Variants in CHN2 observed in about 807,000 individuals in gnomAD.
CHN2 encodes chimerin 2, also known as beta-chimaerin.
In CHN2, 35 loss-of-function variants were observed where a neutral mutation model predicts 56.3. The ratio of observed to expected loss-of-function variants is 0.62; its 90% CI spans 0.47 to 0.82. CHN2 has a LOEUF of 0.82. Among genes scored for constraint, CHN2 ranks in the 40% least tolerant of loss-of-function variants. CHN2 has a pLI of 0.00. For synonymous variants in CHN2, 210 were observed against 212.8 expected, an observed-to-expected ratio of 0.99 and a Z score of 0.12; for missense variants, 491 against 580.5, an observed-to-expected ratio of 0.85 and a Z score of 1.58.
intron 6 of CHN2, among the ~76,000 whole-genome samples, chr7:29,469,069 A>G (rs532710029): frequency 4.1e-4 from 62 of 152,154 alleles, no homozygotes; most frequent in African/African-American, 1.4e-3. Flanking sequence ...AGTCTTCTTC[A>G]TCTCATTTAA....
At chr7:29,463,795 A>G (rs1785354778) in intron 6 of CHN2, among the ~76,000 whole-genome samples, 2 of 152,154 alleles carry the variant, frequency 1.3e-5, no homozygotes, top group Non-Finnish European at 2.9e-5. Context: ...GCCCACAAGA[A>G]CTAGAGATGT....
upstream of CHN2, chr7:29,193,248 T>A (rs938315882): frequency 6.6e-6 from 1 of 151,984 alleles, no homozygotes; most frequent in Non-Finnish European, 1.5e-5. Context: ...TGGGATAGTA[T>A]CCTGGAGGGA....
At chr7:29,434,409 G>A (rs1783074599) in intron 6 of CHN2, among the ~76,000 whole-genome samples, 1 of 151,522 alleles carries the variant, frequency 6.6e-6, no homozygotes. Context: ...TTCTGGAGGT[G>A]GTAAGTCAGA....
At chr7:29,252,578 G>GTTGTTTTTTTTTTTTTT (rs1788664962) in intron 1 of CHN2, among the ~76,000 whole-genome samples, 1 of 19,488 alleles carries the variant, frequency 5.1e-5, no homozygotes, top group Non-Finnish European at 8.2e-5. Context: ...TGCATTCTTT[G>GTTGTTTTTTTTTTTTTT]TTTTTTTTTT....
chr7:29,364,000 C>T (rs1181040417), intron 2 of CHN2, among the ~76,000 whole-genome samples: 2 of 152,066 alleles, frequency 1.3e-5, no homozygotes, highest in African/African-American at 2.4e-5. Context: ...AGTGAGACCC[C>T]CATCTCTTAA....
chr7:29,236,676 A>T (rs76120294), intron 1 of CHN2, among the ~76,000 whole-genome samples: 2 of 152,276 alleles, frequency 1.3e-5, no homozygotes, highest in Admixed American at 6.5e-5. Context: ...AATAGCTAAC[A>T]TAATACAAAG....
At chr7:29,453,549 C>G (rs530921231) in intron 6 of CHN2, among the ~76,000 whole-genome samples, 3 of 152,244 alleles carry the variant, frequency 2.0e-5, no homozygotes, top group Admixed American at 6.5e-5. Flanking sequence ...GACGCCCCCC[C>G]ACGCCATAGC....
intron 3 of CHN2, among the ~76,000 whole-genome samples, chr7:29,369,491 T>C (rs1342456857): frequency 6.6e-6 from 1 of 152,214 alleles, no homozygotes; most frequent in Non-Finnish European, 1.5e-5. Context: ...AACTTGGCTA[T>C]TGGCATTTTG....
chr7:29,267,391 T>C (rs996010486), intron 1 of CHN2, among the ~76,000 whole-genome samples: 2 of 152,012 alleles, frequency 1.3e-5, no homozygotes, highest in African/African-American at 4.8e-5. Context: ...TACAGTTGCC[T>C]GCCACCACAC....
intron 1 of CHN2, among the ~76,000 whole-genome samples, chr7:29,318,309 A>G (rs962896464): frequency 2.0e-5 from 3 of 152,214 alleles, no homozygotes; most frequent in Non-Finnish European, 4.4e-5. Context: ...ATTGGCCTAC[A>G]TATTGTCTCT....
chr7:29,195,045 T>C (rs1220627065), intron 1 of CHN2, 55 bp downstream of exon 1: 2 of 1,544,706 alleles, frequency 1.3e-6, no homozygotes, highest in Admixed American at 1.8e-5. Context: ...CCCACTGCCC[T>C]CGCCCCGCAG....
intron 1 of CHN2, among the ~76,000 whole-genome samples, chr7:29,344,412 CTACT>C (rs1386828624): frequency 1.3e-5 from 2 of 152,146 alleles, no homozygotes; most frequent in Non-Finnish European, 2.9e-5. Flanking sequence ...TATCTGGCCC[CTACT>C]TACTTCTTTA....
At chr7:29,423,595 G>A (rs1430865098) in intron 6 of CHN2, among the ~76,000 whole-genome samples, 1 of 152,224 alleles carries the variant, frequency 6.6e-6, no homozygotes, top group Non-Finnish European at 1.5e-5. Flanking sequence ...CAGGAAGGAC[G>A]AAATCTCAGG....
chr7:29,182,089 T>C (rs1798132239), intron 2 of CHN2, among the ~76,000 whole-genome samples: 1 of 152,194 alleles, frequency 6.6e-6, no homozygotes, highest in African/African-American at 2.4e-5. Context: ...AAAAAGACAA[T>C]ATTCCTTTTG....
At chr7:29,473,482 T>TTTTTTTTTTTTGTG (rs539151442) in intron 6 of CHN2, among the ~76,000 whole-genome samples, 1 of 118,164 alleles carries the variant, frequency 8.5e-6, no homozygotes, top group African/African-American at 3.3e-5. Flanking sequence ...TTTTTTTTTT[T>TTTTTTTTTTTTGTG]TGTGTGTGTG....
intron 12 of CHN2, 71 bp from the exon 13 acceptor site, chr7:29,512,489 TTACA>T (rs1791594544): frequency 1.5e-6 from 2 of 1,311,056 alleles, no homozygotes. Flanking sequence ...TTATCGGGAC[TTACA>T]TACATAATCA....
chr7:29,484,584 C>T (rs892286088), intron 7 of CHN2, among the ~76,000 whole-genome samples: 1 of 152,188 alleles, frequency 6.6e-6, no homozygotes, highest in East Asian at 1.9e-4. Flanking sequence ...TATCTGTCAT[C>T]TTCTTATAAG....
At chr7:29,366,978 GA>G (rs1192484380) in intron 2 of CHN2, among the ~76,000 whole-genome samples, 3 of 151,996 alleles carry the variant, frequency 2.0e-5, no homozygotes. Context: ...ACATTTTCTA[GA>G]AAGACTTTAT....
chr7:29,246,515 G>A (rs1788089521), intron 1 of CHN2, among the ~76,000 whole-genome samples: 2 of 152,168 alleles, frequency 1.3e-5, no homozygotes, highest in African/African-American at 4.8e-5. Context: ...GGTTTGAAAT[G>A]TGATCCATAT....
Sources: allele counts gnomAD v4.1 joint callset (sites outside exome capture counted in the v4.1 genomes callset), GRCh38; gene constraint gnomAD v4.1.1; transcripts MANE v1.5; gene names NCBI Gene and HGNC (gene_info 2026-07-23, HGNC 2026-07-21).